Variants in NUP205 observed in about 807,000 individuals in gnomAD.
NUP205 encodes nucleoporin 205, also known as nuclear pore complex protein Nup205.
NUP205 carries 76 observed loss-of-function variants against 253.8 expected under a neutral mutation model. That is an observed-to-expected ratio of 0.30 (90% CI 0.25 to 0.36). The LOEUF (loss-of-function observed/expected upper bound fraction) is 0.36. Among genes scored for constraint, NUP205 ranks in the 10% least tolerant of loss-of-function variants. The probability of loss-of-function intolerance (pLI) is 1.00; values close to 1 mark genes in which losing one functional copy is unlikely to be tolerated. For synonymous variants in NUP205, 832 were observed against 850.1 expected (o/e 0.98, Z 0.37); for missense variants, 2,162 against 2,425.5 (o/e 0.89, Z 2.28).
At chr7:135,647,647 G>C (rs930878918) in intron 42 of NUP205, among the ~76,000 whole-genome samples, 2 of 152,162 alleles carry the variant, frequency 1.3e-5, no homozygotes, top group African/African-American at 4.8e-5. Context: ...AGCATCCTGA[G>C]TAGCTAGGAC....
chr7:135,620,458 A>G (rs1794451312), intron 30 of NUP205, among the ~76,000 whole-genome samples: 1 of 152,176 alleles, frequency 6.6e-6, no homozygotes, highest in Non-Finnish European at 1.5e-5. Context: ...GCTTGAACCC[A>G]GGAGGCAGAG....
intron 11 of NUP205, 64 bp downstream of exon 11, chr7:135,591,664 A>T: frequency 4.2e-6 from 6 of 1,422,978 alleles, no homozygotes; most frequent in Non-Finnish European, 5.8e-6. Context: ...GTATCCCACT[A>T]CCTATTAAGA....
chr7:135,570,046 T>TAG lies in NUP205; in HGVS notation c.29-1058_29-1057insGA, dbSNP rs1343013772. 1.9e-3 allele frequency among the ~76,000 whole-genome samples: 199 copies of TAG among 102,332 alleles called. 1 individual carries two copies. The highest frequency in any genetic ancestry group is 5.0e-3 in the Middle Eastern group (1 of 200). The allele number at this position is 102,332 out of a possible 152,430, so 67.1% of individuals were successfully genotyped here. On this transcript the variant is annotated intron_variant, in intron 1 of 42. Coordinates refer to ENST00000285968, the MANE Select transcript of NUP205 (RefSeq NM_015135.3). ...TTTATGTTTTATATATATATATATA[T>TAG]ATATATAGAGAGAGAGAGAGAGAGA...
intron 27 of NUP205, 95 bp from the exon 28 acceptor site, chr7:135,618,317 G>A: frequency 3.0e-6 from 3 of 987,114 alleles, no homozygotes; most frequent in Non-Finnish European, 3.2e-6. Context: ...TGGCATGCAT[G>A]TAGTAGGTTT....
rs865993286 is a variant in NUP205, at chr7:135,626,445, G to A, written c.4793+84G>A. 137 of 1,433,884 alleles carry A rather than the reference G, an allele frequency of 9.6e-5. No individual in the cohort carries two copies. In the African/African-American group the frequency reaches 1.4e-3, roughly 15 times the overall value. The allele number at this position is 1,433,884 out of a possible 1,614,324, so 88.8% of individuals were successfully genotyped here. A position where few individuals can be genotyped will look rare whatever the true frequency, so the allele number is the denominator to read the frequency against. On this transcript the variant is annotated intron_variant, in intron 33 of 42. Coordinates refer to ENST00000285968, the MANE Select transcript of NUP205 (RefSeq NM_015135.3). The stretch of plus-strand genomic sequence containing the variant: ...AAAAAATTCCAAACATAATTTTGCC[G>A]CTTAGCAATTCTCTTTCATCTTGGT...
Position 135,606,823 on chromosome 7 carries a change from C to A in NUP205, c.2978C>A (p.Thr993Asn). ...TRIHILNLLI[T>N]SLECNPPNLA... ...ATCCACATCTTGAATCTTCTCATTACCTCTCTGGAATGCAATCCACCCAAT... is the reference window on the plus strand; with the variant it reads ...ATCCACATCTTGAATCTTCTCATTAACTCTCTGGAATGCAATCCACCCAAT... Residue 993 changes from threonine (T) to asparagine (N), a missense_variant, in exon 21 of 43, where the codon ACC (threonine) becomes AAC (asparagine). Physicochemically the swap from Thr to Asn is moderately conservative, Grantham distance 65. This residue lies in a region of NUP205 where 1,144 missense variants were observed against 1,280.9 expected (regional missense o/e 0.89). Transcript: ENST00000285968. The A allele has an allele frequency of 1.9e-6, 3 of 1,613,622 alleles. No homozygotes were observed. The highest frequency in any genetic ancestry group is 2.5e-6 in the Non-Finnish European group (3 of 1,179,618).
chr7:135,578,657 G>A (rs1028607354), intron 6 of NUP205, 94 bp from the exon 7 acceptor site: 1 of 833,780 alleles, frequency 1.2e-6, no homozygotes, highest in Admixed American at 2.8e-5. Flanking sequence ...CTGTGAGAAT[G>A]CTCAGATTTT....
intron 23 of NUP205, among the ~76,000 whole-genome samples, chr7:135,614,769 C>T (rs73725196): frequency 0.034 from 5,202 of 152,260 alleles, 119 homozygotes; most frequent in Middle Eastern, 0.1. Context: ...CTAATGCAGT[C>T]TTATCGAGAT....
intron 1 of NUP205, among the ~76,000 whole-genome samples, chr7:135,561,236 C>T (rs1411430521): frequency 2.6e-5 from 4 of 151,978 alleles, no homozygotes; most frequent in South Asian, 2.1e-4. Context: ...CCCAGCTACT[C>T]GGGAGGCTGA....
chr7:135,597,168 CCAGA>C, intron 13 of NUP205, 196 bp from the exon 14 acceptor site: 1 of 486,798 alleles, frequency 2.1e-6, no homozygotes, highest in South Asian at 4.1e-5. Flanking sequence ...TTTCAGAACC[CCAGA>C]CAGTCAAAAG....
chr7:135,630,925 C>CTGTTT (rs929127795), intron 35 of NUP205, among the ~76,000 whole-genome samples: 10 of 148,636 alleles, frequency 6.7e-5, no homozygotes, highest in Non-Finnish European at 1.3e-4. Flanking sequence ...GACTCCGTCT[C>CTGTTT]TGTTTTGTTT....
Position 135,600,946 on chromosome 7 carries a change from T to G in NUP205, c.2351T>G (p.Val784Gly), listed in dbSNP as rs1228105255. 1.2e-6 allele frequency: 2 copies of G among 1,607,932 alleles called. No individual in the cohort carries two copies. The highest frequency in any genetic ancestry group is 1.7e-6 in the Non-Finnish European group (2 of 1,175,232). Reference protein sequence around the residue: ...RDYEPQLEDFVDQFVELQGEE... With the variant: ...RDYEPQLEDFGDQFVELQGEE... ...TATGAGCCTCAGCTTGAAGATTTTG[T>G]AGACCAGTTTGTGGAACTACAAGGT... is the stretch of plus-strand genomic sequence containing the variant. Residue 784 changes from valine (V) to glycine (G), a missense_variant, in exon 16 of 43, where the codon GTA becomes GGA. By Grantham distance (109) the Val-to-Gly change is moderately radical (BLOSUM62 -3). Coordinates refer to ENST00000285968, the MANE Select transcript of NUP205 (RefSeq NM_015135.3).
intron 24 of NUP205, among the ~76,000 whole-genome samples, chr7:135,616,327 C>G (rs949374455): frequency 3.9e-5 from 6 of 152,110 alleles, no homozygotes; most frequent in African/African-American, 1.2e-4. Flanking sequence ...CCAGCATGAC[C>G]TAAGCTATTT....
chr7:135,639,774 C>T (rs1351514829), intron 38 of NUP205, among the ~76,000 whole-genome samples: 1 of 151,988 alleles, frequency 6.6e-6, no homozygotes, highest in East Asian at 1.9e-4. Context: ...TTTATTGCAG[C>T]ACTATTTACA....
At position 135,584,952 on chromosome 7, in the gene NUP205, A is replaced by G. The variant is rs763818086; in HGVS notation, c.1163A>G (p.Tyr388Cys). The part of the protein sequence containing the change: ...VSEYFYQEEF[Y>C]IRRVHNLITD... ...GAATACTTTTATCAGGAAGAATTTT[A>G]TATTCGCAGAGTCCATAATCTCATC... The change falls in exon 8 of 43, where the codon TAT becomes TGT. Residue 388 changes from tyrosine to cysteine, a missense_variant. Tyr to Cys is a radical substitution (Grantham distance 194). This residue lies in a region of NUP205 where 892 missense variants were observed against 957.1 expected (regional missense o/e 0.93). Coordinates refer to ENST00000285968, the MANE Select transcript of NUP205 (RefSeq NM_015135.3). 6.2e-7 allele frequency: 1 copy of G among 1,613,936 alleles called. No individual in the cohort carries two copies. Among genetic ancestry groups the G allele is most frequent in the African/African-American group, 1.3e-5 (1 of 75,070 alleles).
chr7:135,615,812 T>A (rs995918765), intron 23 of NUP205, 104 bp from the exon 24 acceptor site: 1 of 632,618 alleles, frequency 1.6e-6, no homozygotes, highest in Non-Finnish European at 2.5e-6. Flanking sequence ...CATAAATTAT[T>A]GACTTTGTTA....
At chr7:135,573,912 C>T in intron 3 of NUP205, 87 bp downstream of exon 3, 1 of 1,039,196 alleles carries the variant, frequency 9.6e-7, no homozygotes, top group Non-Finnish European at 1.4e-6. Context: ...TGTTTAGATT[C>T]TATCATAGTT....
intron 10 of NUP205, 95 bp from the exon 11 acceptor site, chr7:135,591,355 T>C (rs1266016964): frequency 1.2e-5 from 12 of 1,021,954 alleles, no homozygotes; most frequent in Non-Finnish European, 1.8e-5. Flanking sequence ...GTCAGAGCAC[T>C]ACTTTTAGTT....
chr7:135,645,733 C>A, intron 41 of NUP205, 137 bp downstream of exon 41: 1 of 776,922 alleles, frequency 1.3e-6, no homozygotes, highest in Non-Finnish European at 2.0e-6. Context: ...AGTCACTAGA[C>A]GTAGCTATTT....
Sources: allele counts gnomAD v4.1 joint callset (sites outside exome capture counted in the v4.1 genomes callset), GRCh38; gene constraint gnomAD v4.1.1; regional missense constraint gnomAD v4.1.1; transcripts MANE v1.5; gene names NCBI Gene and HGNC (gene_info 2026-07-23, HGNC 2026-07-21).